Variants in ANK2 observed in about 807,000 individuals in gnomAD.
The protein encoded by ANK2 is ankyrin 2, also known as ankyrin-2.
Under a neutral mutation model 360.5 loss-of-function variants are expected in ANK2, and 83 were observed. The ratio of observed to expected loss-of-function variants is 0.23; its 90% CI spans 0.19 to 0.28. The LOEUF is 0.28. Ranked by LOEUF, ANK2 falls within the 10% of genes least tolerant of loss-of-function variation. The pLI is 1.00. For missense variants in ANK2, 4,201 were observed against 4,795.7 expected, an observed-to-expected ratio of 0.88 and a Z score of 3.66; for synonymous variants, 1,740 against 1,759.5, an observed-to-expected ratio of 0.99 and a Z score of 0.28.
chr4:112,995,250 T>G (rs1284445204), intron 2 of ANK2, among the ~76,000 whole-genome samples: 1 of 150,210 alleles, frequency 6.7e-6, no homozygotes, highest in Non-Finnish European at 1.5e-5. Context: ...CATTCCCTTT[T>G]CTCTGTAGTC....
chr4:113,381,297 A>T (rs2097164543), intron 45 of ANK2, among the ~76,000 whole-genome samples, 160 bp from the exon 46 acceptor site: 1 of 152,248 alleles, frequency 6.6e-6, no homozygotes, highest in Non-Finnish European at 1.5e-5. Context: ...TTTAAAAGAA[A>T]GACACAAAAA....
the ANK2 span, among the ~76,000 whole-genome samples, chr4:112,812,784 G>A: frequency 2.0e-5 from 3 of 152,120 alleles, no homozygotes; most frequent in African/African-American, 7.2e-5. Flanking sequence ...GTTGATTCCT[G>A]TCCTTTGACA....
the ANK2 span, among the ~76,000 whole-genome samples, chr4:112,743,995 AT>A: frequency 6.7e-6 from 1 of 149,706 alleles, no homozygotes; most frequent in Non-Finnish European, 1.5e-5. Context: ...TGCCTGGCTA[AT>A]TTTTTTTGTA....
chr4:113,309,011 TG>T (rs1471970179), intron 23 of ANK2, among the ~76,000 whole-genome samples: 5 of 152,328 alleles, frequency 3.3e-5, no homozygotes, highest in African/African-American at 1.2e-4. Flanking sequence ...AGCTTTGATT[TG>T]TATGCAGAAT....
chr4:112,996,696 T>G (rs916753121), intron 2 of ANK2, among the ~76,000 whole-genome samples: 6 of 152,162 alleles, frequency 3.9e-5, no homozygotes, highest in Non-Finnish European at 7.4e-5. Context: ...TCATGAAGAA[T>G]GAGGTATCCA....
chr4:113,320,676 CA>C (rs774546516), intron 26 of ANK2, among the ~76,000 whole-genome samples: 5 of 151,284 alleles, frequency 3.3e-5, no homozygotes, highest in East Asian at 1.9e-4. Flanking sequence ...AAAACAAAAA[CA>C]AAAAAAACTA....
chr4:113,055,391 A>C (rs1375097669), intron 1 of ANK2, among the ~76,000 whole-genome samples: 1 of 152,122 alleles, frequency 6.6e-6, no homozygotes. Context: ...AGACTGTCTA[A>C]ATAAATAAAT....
rs567419487 is a variant in ANK2 at position 113,383,045 on chromosome 4, T to C, written c.*1574T>C. 3 of 152,634 alleles carry C rather than the reference T, an allele frequency of 2.0e-5. No homozygotes were observed. Among genetic ancestry groups the C allele is most frequent in the Non-Finnish European group, 4.4e-5 (3 of 68,036 alleles). 9.5% of individuals were successfully genotyped at this position (152,634 alleles called of 1,614,324 possible). A position where few individuals can be genotyped will look rare whatever the true frequency, so the allele number is the denominator to read the frequency against. On this transcript the variant is annotated 3_prime_UTR_variant, in exon 46 of 46. Transcript: ENST00000357077. ...TTCACAAATATATTCATATAAACAG[T>C]ATACATTTTGAATCAGTCATTTGTT... is the stretch of plus-strand genomic sequence containing the variant.
intron 15 of ANK2, among the ~76,000 whole-genome samples, chr4:113,275,880 A>G (rs540736593): frequency 9.9e-5 from 15 of 152,158 alleles, no homozygotes; most frequent in African/African-American, 3.6e-4. Context: ...GATTTAAAAA[A>G]TATAACTATA....
chr4:113,314,591 A>C (rs2081793730), intron 24 of ANK2, among the ~76,000 whole-genome samples: 1 of 152,214 alleles, frequency 6.6e-6, no homozygotes, highest in African/African-American at 2.4e-5. Context: ...ACTGTATTGG[A>C]AAATATTTAA....
At chr4:113,129,474 T>C (rs1006753375) in intron 1 of ANK2, among the ~76,000 whole-genome samples, 20 of 152,204 alleles carry the variant, frequency 1.3e-4, no homozygotes, top group African/African-American at 4.3e-4. Context: ...TGTTATGAAA[T>C]TGCCATTTTT....
At chr4:113,056,190 A>G (rs2154330183) in intron 1 of ANK2, among the ~76,000 whole-genome samples, 2 of 152,322 alleles carry the variant, frequency 1.3e-5, no homozygotes, top group East Asian at 3.9e-4. Flanking sequence ...GGCATGTTAA[A>G]TTAAGCCACC....
In ANK2 at chr4:113,358,659, A is replaced by T. The variant is rs1191666124; in HGVS notation, c.10041A>T (p.Lys3347Asn). Residue 3347 changes from lysine (K) to asparagine (N), a missense_variant, in exon 38 of 46, where the codon AAA becomes AAT. Lys to Asn is a moderately conservative substitution (Grantham distance 94). Around this residue, in one of 4 missense-constraint regions of ANK2, gnomAD observed 2,642 missense variants for 2,714.5 expected, o/e 0.97. Coordinates refer to ENST00000357077, the MANE Select transcript of ANK2 (RefSeq NM_001148.6). Reference protein sequence around the residue: ...NKADEAKPKSKLPVKVPLQRV... With the variant: ...NKADEAKPKSNLPVKVPLQRV... ...CGGATGAAGCAAAACCAAAGTCCAA[A>T]CTCCCTGTCAAAGTACCCCTCCAAA... 1.2e-6 allele frequency: 2 copies of T among 1,613,800 alleles called. No homozygotes were observed. Among genetic ancestry groups the T allele is most frequent in the African/African-American group, 2.7e-5 (2 of 74,926 alleles).
intron 1 of ANK2, among the ~76,000 whole-genome samples, chr4:113,108,186 T>C (rs1301744971): frequency 3.3e-5 from 5 of 152,174 alleles, no homozygotes; most frequent in Non-Finnish European, 5.9e-5. Flanking sequence ...CTCACTGGTT[T>C]GTTATCTGTT....
intron 1 of ANK2, chr4:112,880,853 G>A (rs2076513191): frequency 1.3e-5 from 2 of 152,152 alleles, no homozygotes; most frequent in East Asian, 1.9e-4. Context: ...ACCTTCACTT[G>A]GAGTCCTAGA....
chr4:113,043,132 A>G (rs716051), intron 2 of ANK2, among the ~76,000 whole-genome samples: 28,460 of 152,064 alleles, frequency 0.19, 2,874 homozygotes, highest in East Asian at 0.36. Context: ...GACATAGGTG[A>G]GAGGAACAAA....
At chr4:113,334,988 C>T (rs1475622928) in intron 29 of ANK2, among the ~76,000 whole-genome samples, 1 of 151,580 alleles carries the variant, frequency 6.6e-6, no homozygotes, top group Admixed American at 6.6e-5. Flanking sequence ...CTAGCTATGC[C>T]CAATAATCAA....
intron 2 of ANK2, among the ~76,000 whole-genome samples, chr4:113,002,534 G>T (rs1171628970): frequency 1.3e-5 from 2 of 152,028 alleles, no homozygotes; most frequent in Non-Finnish European, 2.9e-5. Flanking sequence ...GACACAGGAA[G>T]GGGGACATCA....
intron 2 of ANK2, chr4:112,980,027 A>G (rs2042640137): frequency 2.0e-5 from 3 of 152,184 alleles, no homozygotes; most frequent in Admixed American, 2.0e-4. Context: ...TCCTGACATC[A>G]ACATGTAGTC....
Sources: allele counts gnomAD v4.1 joint callset (sites outside exome capture counted in the v4.1 genomes callset), GRCh38; gene constraint gnomAD v4.1.1; regional missense constraint gnomAD v4.1.1; transcripts MANE v1.5; gene names NCBI Gene and HGNC (gene_info 2026-07-23, HGNC 2026-07-21).